Variants in CADM2 observed in about 807,000 individuals in gnomAD.
The protein encoded by CADM2 is immunoglobulin superfamily member 4D.
Under a neutral mutation model 49.8 loss-of-function variants are expected in CADM2, and 12 were observed. The ratio of observed to expected loss-of-function variants is 0.24; its 90% confidence interval spans 0.15 to 0.39. The LOEUF (loss-of-function observed/expected upper bound fraction) is 0.39. Ranked by LOEUF, CADM2 falls within the 10% of genes least tolerant of loss-of-function variation. The pLI is 1.00. For synonymous variants in CADM2, 214 were observed against 175.4 expected (o/e 1.22, Z -1.74); for missense variants, 378 against 492.3 (o/e 0.77, Z 2.20).
chr3:85,349,034 G>C (rs948923699), intron 1 of CADM2, among the ~76,000 whole-genome samples: 1 of 152,020 alleles, frequency 6.6e-6, no homozygotes, highest in African/African-American at 2.4e-5. Context: ...ATAATTTTCT[G>C]TATAACCCTA....
intron 8 of CADM2, chr3:86,014,987 G>C (rs1035366249): frequency 8.5e-7 from 1 of 1,169,812 alleles, no homozygotes; most frequent in East Asian, 2.4e-5. Context: ...ACCAAAGTTC[G>C]AGTAACTTGG....
intron 1 of CADM2, among the ~76,000 whole-genome samples, chr3:84,996,732 T>C (rs2200466): frequency 6.6e-6 from 1 of 152,044 alleles, no homozygotes; most frequent in Non-Finnish European, 1.5e-5. Flanking sequence ...TTGTCTAATA[T>C]CATTTTCTTC....
At chr3:85,724,218 T>G (rs2107776162) in intron 1 of CADM2, among the ~76,000 whole-genome samples, 1 of 152,164 alleles carries the variant, frequency 6.6e-6, no homozygotes, top group South Asian at 2.1e-4. Context: ...GATTCTGTGC[T>G]TTACTTTCTC....
intron 2 of CADM2, among the ~76,000 whole-genome samples, chr3:85,781,582 G>A (rs985841391): frequency 6.6e-6 from 1 of 152,054 alleles, no homozygotes; most frequent in East Asian, 1.9e-4. Context: ...ATTTTTGAGG[G>A]ATTTTTAATT....
intron 1 of CADM2, among the ~76,000 whole-genome samples, chr3:85,654,619 G>C (rs908596284): frequency 2.6e-5 from 4 of 152,136 alleles, no homozygotes; most frequent in Admixed American, 2.0e-4. Context: ...AAATGTCCTA[G>C]GGAAATAGAA....
chr3:86,028,564 A>G (rs1325850839), intron 8 of CADM2, among the ~76,000 whole-genome samples: 1 of 152,182 alleles, frequency 6.6e-6, no homozygotes, highest in Non-Finnish European at 1.5e-5. Context: ...TCTTTTAGAG[A>G]AAATCTTCTC....
chr3:85,383,774 A>G (rs749872813), intron 1 of CADM2, among the ~76,000 whole-genome samples: 4 of 151,584 alleles, frequency 2.6e-5, no homozygotes, highest in African/African-American at 9.7e-5. Context: ...ACATTCTTCA[A>G]TACTCACTGT....
At chr3:85,595,503 G>A (rs1229267386) in intron 1 of CADM2, among the ~76,000 whole-genome samples, 5 of 151,950 alleles carry the variant, frequency 3.3e-5, no homozygotes, top group Non-Finnish European at 7.4e-5. Flanking sequence ...AGTAGCTCCT[G>A]GAGAAATTAG....
At chr3:85,763,890 A>G (rs1423624784) in intron 2 of CADM2, among the ~76,000 whole-genome samples, 1 of 152,010 alleles carries the variant, frequency 6.6e-6, no homozygotes, top group Non-Finnish European at 1.5e-5. Context: ...GTCTTACCAC[A>G]TCCCTTTTTA....
chr3:85,547,535 G>T (rs2061697155), intron 1 of CADM2, among the ~76,000 whole-genome samples: 1 of 152,122 alleles, frequency 6.6e-6, no homozygotes. Context: ...CCTAGCTTCT[G>T]CTGTCAACTA....
At chr3:85,718,375 G>C (rs527493712) in intron 1 of CADM2, among the ~76,000 whole-genome samples, 1 of 152,140 alleles carries the variant, frequency 6.6e-6, no homozygotes, top group South Asian at 2.1e-4. Flanking sequence ...CTTCCTTAAG[G>C]CTTTTGTAAT....
chr3:85,034,854 A>G (rs1265421639), intron 1 of CADM2, among the ~76,000 whole-genome samples: 1 of 125,544 alleles, frequency 8.0e-6, no homozygotes, highest in African/African-American at 3.2e-5. Context: ...CCCAGGCTGT[A>G]GTGCAGGGCA....
intron 1 of CADM2, among the ~76,000 whole-genome samples, chr3:85,202,420 T>C (rs2041527625): frequency 6.6e-6 from 1 of 152,164 alleles, no homozygotes; most frequent in African/African-American, 2.4e-5. Context: ...GAATGGATGT[T>C]GTTCTTCCTG....
chr3:85,437,882 A>G (rs2037006319), intron 1 of CADM2, among the ~76,000 whole-genome samples: 1 of 151,990 alleles, frequency 6.6e-6, no homozygotes, highest in Non-Finnish European at 1.5e-5. Context: ...TTTTAAATTA[A>G]ATTTCATTAT....
At chr3:85,034,435 T>C (rs1227753018) in intron 1 of CADM2, among the ~76,000 whole-genome samples, 1 of 152,208 alleles carries the variant, frequency 6.6e-6, no homozygotes, top group East Asian at 1.9e-4. Context: ...GATCTCATTC[T>C]TTTTTACGGC....
At chr3:85,233,597 T>A (rs1348432822) in intron 1 of CADM2, among the ~76,000 whole-genome samples, 1 of 152,180 alleles carries the variant, frequency 6.6e-6, no homozygotes. Flanking sequence ...GACTCACTTT[T>A]ATAACCAATG....
At chr3:85,751,700 A>T (rs2068865846) in intron 2 of CADM2, among the ~76,000 whole-genome samples, 1 of 152,194 alleles carries the variant, frequency 6.6e-6, no homozygotes, top group Non-Finnish European at 1.5e-5. Context: ...TCTTCACCAG[A>T]CAGTCAGTTA....
chr3:85,408,010 C>CAAAAAAAAAAAAAAAAAAAACA (rs372349246), intron 1 of CADM2, among the ~76,000 whole-genome samples: 1 of 56,184 alleles, frequency 1.8e-5, no homozygotes, highest in Admixed American at 2.9e-4. Flanking sequence ...AAAACAAAAC[C>CAAAAAAAAAAAAAAAAAAAACA]AAAAAAAAAA....
At chr3:85,060,501 G>T (rs1432139499) in intron 1 of CADM2, among the ~76,000 whole-genome samples, 1 of 151,996 alleles carries the variant, frequency 6.6e-6, no homozygotes, top group Non-Finnish European at 1.5e-5. Flanking sequence ...AAGAATTCAG[G>T]ACACACTTCC....
Sources: gnomAD v4.1 joint callset for allele counts (sites outside exome capture counted in the v4.1 genomes callset) on GRCh38, gnomAD v4.1.1 for gene constraint, MANE v1.5 for transcripts, NCBI Gene and HGNC (gene_info 2026-07-23, HGNC 2026-07-21) for gene names.